Variants in GOLPH3L observed in about 807,000 individuals in gnomAD.
GOLPH3L encodes the protein Golgi phosphoprotein 3-like.
A neutral mutation model predicts 30.3 loss-of-function variants in GOLPH3L; 22 were observed. The ratio of observed to expected loss-of-function variants is 0.73; its 90% CI spans 0.52 to 1.04. GOLPH3L has a LOEUF of 1.04. Ranked by LOEUF, GOLPH3L falls within the 50% of genes least tolerant of loss-of-function variation. The pLI is 0.00. For missense variants in GOLPH3L, 303 were observed against 345.8 expected (o/e 0.88, Z 0.98); for synonymous variants, 120 against 128.2 (o/e 0.94, Z 0.43).
intron 2 of GOLPH3L, among the ~76,000 whole-genome samples, chr1:150,664,005 A>AT (rs143298898): frequency 0.39 from 57,719 of 149,066 alleles, 11,275 homozygotes; most frequent in South Asian, 0.55. Context: ...ATGATGTGCA[A>AT]TTTTTTTTTT....
In GOLPH3L at chr1:150,648,403, T is replaced by C; in HGVS notation, c.776A>G (p.Glu259Gly). ...VAMNRAKDLV[E>G]LDPEVEGTKP... ...TGTCCCTTCCACTTCAGGGTCCAGTTCTACTAAGTCCTTGGCTCGATTCAT... is the reference window on the plus strand; with the variant it reads ...TGTCCCTTCCACTTCAGGGTCCAGTCCTACTAAGTCCTTGGCTCGATTCAT... The change falls in exon 5 of 5, where the codon GAA (glutamate) becomes GGA (glycine). Residue 259 changes from glutamate (E) to glycine (G), a missense_variant. Transcript: ENST00000271732. 6.2e-7 allele frequency: 1 copy of C among 1,613,840 alleles called. No individual in the cohort carries two copies. The highest frequency in any genetic ancestry group is 8.5e-7 in the Non-Finnish European group (1 of 1,179,734).
chr1:150,691,179 A>AAAAT (rs1486347833), intron 2 of GOLPH3L, among the ~76,000 whole-genome samples: 4 of 151,814 alleles, frequency 2.6e-5, no homozygotes, highest in South Asian at 4.2e-4. Flanking sequence ...CTCCGTATCA[A>AAAAT]AAATAAATAA....
At chr1:150,665,002 TAA>T (rs1317834101) in intron 2 of GOLPH3L, among the ~76,000 whole-genome samples, 3 of 152,136 alleles carry the variant, frequency 2.0e-5, no homozygotes, top group African/African-American at 7.2e-5. Flanking sequence ...AATATACGTA[TAA>T]GAGAGCCACT....
intron 2 of GOLPH3L, among the ~76,000 whole-genome samples, chr1:150,681,526 C>T (rs1476552787): frequency 6.6e-6 from 1 of 151,868 alleles, no homozygotes; most frequent in Non-Finnish European, 1.5e-5. Flanking sequence ...GACTAAGCAG[C>T]GAGAAATAAG....
chr1:150,685,637 C>T (rs941699755), intron 2 of GOLPH3L, among the ~76,000 whole-genome samples: 1 of 152,036 alleles, frequency 6.6e-6, no homozygotes, highest in African/African-American at 2.4e-5. Context: ...ATTGCTTGAA[C>T]CCACGAGGTG....
chr1:150,674,188 A>G (rs1650714305), intron 2 of GOLPH3L, among the ~76,000 whole-genome samples: 1 of 138,250 alleles, frequency 7.2e-6, no homozygotes, highest in South Asian at 2.7e-4. Context: ...TGAATATAGA[A>G]GTTTTCATAT....
At chr1:150,677,870 C>T (rs1364277896) in intron 2 of GOLPH3L, among the ~76,000 whole-genome samples, 1 of 151,792 alleles carries the variant, frequency 6.6e-6, no homozygotes, top group Non-Finnish European at 1.5e-5. Flanking sequence ...AAGTGATCCT[C>T]CCACCTTGGC....
intron 2 of GOLPH3L, among the ~76,000 whole-genome samples, chr1:150,674,081 G>C (rs1650710654): frequency 6.6e-6 from 1 of 151,836 alleles, no homozygotes; most frequent in Non-Finnish European, 1.5e-5. Flanking sequence ...GGAAATTTTA[G>C]AAATTAAAAT....
chr1:150,673,428 G>A (rs587615899), intron 2 of GOLPH3L, among the ~76,000 whole-genome samples: 3 of 152,066 alleles, frequency 2.0e-5, no homozygotes, highest in South Asian at 2.1e-4. Context: ...CTGGGCAGGC[G>A]TGGTGGTGGG....
At chr1:150,686,425 G>C (rs587713803) in intron 2 of GOLPH3L, among the ~76,000 whole-genome samples, 2 of 152,060 alleles carry the variant, frequency 1.3e-5, no homozygotes, top group African/African-American at 4.8e-5. Flanking sequence ...GGCTTGTCTT[G>C]AACTCCTGGC....
At chr1:150,683,245 T>C (rs2101812750) in intron 2 of GOLPH3L, among the ~76,000 whole-genome samples, 1 of 151,532 alleles carries the variant, frequency 6.6e-6, no homozygotes, top group East Asian at 1.9e-4. Flanking sequence ...CTATTAAAAA[T>C]ACAAAAATTG....
At chr1:150,679,684 C>T (rs1650905561) in intron 2 of GOLPH3L, among the ~76,000 whole-genome samples, 1 of 152,086 alleles carries the variant, frequency 6.6e-6, no homozygotes, top group Non-Finnish European at 1.5e-5. Context: ...CCTGTAGTCC[C>T]AGCTATTTCG....
rs1297318772 is a variant in GOLPH3L at position 150,648,707 on chromosome 1, T to C, written c.472A>G (p.Asn158Asp). Residue 158 changes from asparagine (N) to aspartate (D), a missense_variant, in exon 5 of 5, where the codon AAT (asparagine) becomes GAT (aspartate). Physicochemically the swap from Asn to Asp is conservative, Grantham distance 23 (BLOSUM62 1). Transcript: ENST00000271732. ...NPFKLQYQLR[N>D]VRERIAKNLV... The stretch of plus-strand genomic sequence containing the variant: ...TTCTTTGCGATGCGCTCTCGTACAT[T>C]TCTCAGCTGGTACTGTAATTTGAAG... 6.2e-7 allele frequency: 1 copy of C among 1,612,888 alleles called. No homozygotes were observed. The highest frequency in any genetic ancestry group is 1.7e-5 in the Admixed American group (1 of 60,012).
chr1:150,661,698 G>A (rs934021657), intron 4 of GOLPH3L, 116 bp downstream of exon 4: 2 of 621,646 alleles, frequency 3.2e-6, no homozygotes, highest in Admixed American at 2.5e-5. Flanking sequence ...GAATTAAATA[G>A]TGAACCACAT....
chr1:150,683,400 G>A (rs980433370), intron 2 of GOLPH3L, among the ~76,000 whole-genome samples: 9 of 151,928 alleles, frequency 5.9e-5, no homozygotes, highest in African/African-American at 2.2e-4. Context: ...GCTGGGCGTG[G>A]TGGTGGGCGC....
At chr1:150,684,126 G>A (rs1651030586) in intron 2 of GOLPH3L, among the ~76,000 whole-genome samples, 1 of 152,166 alleles carries the variant, frequency 6.6e-6, no homozygotes, top group Non-Finnish European at 1.5e-5. Context: ...GGACACAGCA[G>A]GAAGTCTGCA....
At chr1:150,660,305 G>C (rs902266410) in intron 4 of GOLPH3L, among the ~76,000 whole-genome samples, 2 of 152,070 alleles carry the variant, frequency 1.3e-5, no homozygotes, top group African/African-American at 4.8e-5. Flanking sequence ...TCAGCATGTG[G>C]ACAAATTGGA....
At chr1:150,686,739 G>T (rs1293387727) in intron 2 of GOLPH3L, among the ~76,000 whole-genome samples, 2 of 152,156 alleles carry the variant, frequency 1.3e-5, no homozygotes, top group Non-Finnish European at 2.9e-5. Context: ...GGGCAGCTTT[G>T]TCTCAATATC....
At chr1:150,660,165 G>A (rs141048158) in intron 4 of GOLPH3L, among the ~76,000 whole-genome samples, 2 of 152,030 alleles carry the variant, frequency 1.3e-5, no homozygotes, top group Non-Finnish European at 1.5e-5. Flanking sequence ...AATATTTTTA[G>A]TCATTAGGAA....
Sources: gnomAD v4.1 joint callset for allele counts (sites outside exome capture counted in the v4.1 genomes callset) on GRCh38, gnomAD v4.1.1 for gene constraint, MANE v1.5 for transcripts, NCBI Gene and HGNC (gene_info 2026-07-23, HGNC 2026-07-21) for gene names.